The following SH3RF2 variants were observed in gnomAD, a reference collection of about 807,000 sequenced individuals.
The protein encoded by SH3RF2 is SH3 domain containing ring finger 2, also known as E3 ubiquitin-protein ligase SH3RF2.
Under a neutral mutation model 59.0 loss-of-function variants are expected in SH3RF2, and 43 were observed. That is an observed-to-expected ratio of 0.73 (90% CI 0.57 to 0.94). The LOEUF is 0.94. SH3RF2 is among the 40% of genes least tolerant of loss of function. The pLI is 0.00. For missense variants in SH3RF2, 930 were observed against 940.1 expected, an observed-to-expected ratio of 0.99 and a Z score of 0.14; for synonymous variants, 391 against 391.5, an observed-to-expected ratio of 1.00 and a Z score of 0.01.
chr5:145,974,462 GGAAAA>G (rs1457787415), intron 2 of SH3RF2, among the ~76,000 whole-genome samples: 2 of 152,114 alleles, frequency 1.3e-5, no homozygotes, highest in African/African-American at 2.4e-5. Context: ...AGGAAAGGAA[GGAAAA>G]GAAGAGAGCA....
At chr5:145,941,565 G>A (rs1757815728) in intron 2 of SH3RF2, among the ~76,000 whole-genome samples, 1 of 152,172 alleles carries the variant, frequency 6.6e-6, no homozygotes, top group African/African-American at 2.4e-5. Flanking sequence ...CAAAAGGATT[G>A]TAGGTTCCTG....
exon 10 of SH3RF2, chr5:146,080,441 G>A (rs1394292701): frequency 1.3e-5 from 2 of 152,120 alleles, no homozygotes; most frequent in Non-Finnish European, 2.9e-5. Context: ...TGTGAATAAT[G>A]TTTATAAAAG....
intron 5 of SH3RF2, among the ~76,000 whole-genome samples, chr5:146,035,354 T>TC (rs1264988290): frequency 1.5e-5 from 1 of 68,056 alleles, no homozygotes; most frequent in African/African-American, 4.2e-5. Context: ...TTTAATTAAC[T>TC]TTTTTTTTAA....
Position 146,062,584 on chromosome 5 carries a change from C to A in SH3RF2, c.2073C>A (p.His691Gln), listed in dbSNP as rs1464910816. The A allele has an allele frequency of 6.2e-7, 1 of 1,614,206 alleles. No homozygotes were observed. Among genetic ancestry groups the A allele is most frequent in the Admixed American group, 1.7e-5 (1 of 60,028 alleles). The change falls in exon 10 of 10, where the codon CAC becomes CAA. Residue 691 changes from histidine (H) to glutamine (Q), a missense_variant. Transcript: ENST00000359120. ...CAGAGATGACCGTCCTATTTGCCCA[C>A]CGAAGTGGCTGCCACTCCGGACAGC... Reference protein sequence around the residue: ...LGPEMTVLFAHRSGCHSGQQT... With the variant: ...LGPEMTVLFAQRSGCHSGQQT...
chr5:146,002,199 C>T (rs1431321761), intron 3 of SH3RF2, among the ~76,000 whole-genome samples: 1 of 152,150 alleles, frequency 6.6e-6, no homozygotes, highest in African/African-American at 2.4e-5. Flanking sequence ...GCCTGCAATC[C>T]CAGCACTTTG....
chr5:146,000,016 C>T, intron 2 of SH3RF2, 42 bp from the exon 3 acceptor site: 1 of 1,593,876 alleles, frequency 6.3e-7, no homozygotes, highest in Non-Finnish European at 8.5e-7. Context: ...TTCCTCTAGA[C>T]TCTAAGCTAA....
chr5:146,030,916 C>T (rs1309384218), intron 5 of SH3RF2, among the ~76,000 whole-genome samples: 1 of 152,180 alleles, frequency 6.6e-6, no homozygotes, highest in African/African-American at 2.4e-5. Context: ...TAGAAGGAAA[C>T]AGTTAGGCAG....
At chr5:145,960,125 C>T (rs1299141580) in intron 2 of SH3RF2, among the ~76,000 whole-genome samples, 3 of 152,114 alleles carry the variant, frequency 2.0e-5, no homozygotes, top group Non-Finnish European at 4.4e-5. Context: ...TGATCATTGC[C>T]CGCTGCAGCC....
chr5:145,984,887 TG>T (rs1368711914), intron 2 of SH3RF2, among the ~76,000 whole-genome samples: 3 of 152,230 alleles, frequency 2.0e-5, no homozygotes, highest in African/African-American at 7.2e-5. Flanking sequence ...CTGGGCATGG[TG>T]GCTCATGCCT....
rs370706003 is a variant in SH3RF2 at position 146,060,063 on chromosome 5, A to G, written c.1753A>G (p.Ile585Val). 1.2e-6 allele frequency: 2 copies of G among 1,613,906 alleles called. No homozygotes were observed. Among genetic ancestry groups the G allele is most frequent in the South Asian group, 2.2e-5 (2 of 91,030 alleles). ...CACGGGGGAGCCCGCCCTCACGTGC[A>G]TCAGCAGGGGCAGTGAGGCCTGGAT... ...ALTGEPALTC[I>V]SRGSEAWIHS... is the part of the protein sequence containing the mutation. Residue 585 changes from isoleucine to valine, a missense_variant, in exon 9 of 10, where the codon ATC (isoleucine) becomes GTC (valine). By Grantham distance (29) the Ile-to-Val change is conservative. Coordinates refer to ENST00000359120, the MANE Select transcript of SH3RF2 (RefSeq NM_152550.4).
In SH3RF2 at chr5:146,000,195, G is replaced by A. The variant is rs1580838665; in HGVS notation, c.516G>A (p.Gly172=). ...AGGGGGAAATCAATGGCATCAGCGG[G>A]AACTTCCCAGCCAGCTCCGTGGAAG... ...WYQGEINGIS[G]NFPASSVEVI... Residue 172 remains glycine (G), a synonymous_variant, in exon 3 of 10, where the codon GGG becomes GGA. Coordinates refer to ENST00000359120, the MANE Select transcript of SH3RF2 (RefSeq NM_152550.4). 1 of 1,613,548 alleles carries A rather than the reference G, an allele frequency of 6.2e-7. No homozygotes were observed. Among genetic ancestry groups the A allele is most frequent in the Non-Finnish European group, 8.5e-7 (1 of 1,179,788 alleles).
intron 2 of SH3RF2, among the ~76,000 whole-genome samples, chr5:145,965,173 A>G (rs567415853): frequency 3.0e-4 from 45 of 152,192 alleles, no homozygotes; most frequent in African/African-American, 9.4e-4. Flanking sequence ...AGCCTGGGTG[A>G]CAGAGCAAGA....
At chr5:146,026,748 G>A (rs531339590) in intron 5 of SH3RF2, among the ~76,000 whole-genome samples, 3 of 152,118 alleles carry the variant, frequency 2.0e-5, no homozygotes, top group Middle Eastern at 3.2e-3. Flanking sequence ...GATCTAGGAC[G>A]GAACTCACAC....
intron 2 of SH3RF2, among the ~76,000 whole-genome samples, chr5:145,976,623 G>A (rs1427634309): frequency 3.3e-5 from 5 of 152,166 alleles, no homozygotes; most frequent in East Asian, 1.9e-4. Flanking sequence ...CAAGAAAAAC[G>A]GAAGGTATTA....
chr5:146,034,975 G>A (rs554744846), intron 5 of SH3RF2, among the ~76,000 whole-genome samples: 1 of 152,196 alleles, frequency 6.6e-6, no homozygotes, highest in African/African-American at 2.4e-5. Context: ...GCGTGGTAGT[G>A]CACCCCTGTA....
intron 5 of SH3RF2, among the ~76,000 whole-genome samples, chr5:146,034,707 G>A (rs976302163): frequency 3.9e-5 from 6 of 152,166 alleles, no homozygotes; most frequent in Non-Finnish European, 8.8e-5. Flanking sequence ...AGTCAGACAC[G>A]CCAACAAGAA....
intron 2 of SH3RF2, among the ~76,000 whole-genome samples, chr5:145,981,545 A>T (rs1203849238): frequency 1.3e-5 from 2 of 152,198 alleles, no homozygotes; most frequent in African/African-American, 4.8e-5. Context: ...CAGTTTATTT[A>T]TTAGAGAGAT....
At chr5:146,081,140 C>T (rs1268538515) in exon 10 of SH3RF2, 1 of 152,094 alleles carries the variant, frequency 6.6e-6, no homozygotes, top group Non-Finnish European at 1.5e-5. Context: ...AATATGTCTT[C>T]ACTGTTGGGT....
chr5:145,982,720 T>C (rs1024297613), intron 2 of SH3RF2, among the ~76,000 whole-genome samples: 2 of 152,014 alleles, frequency 1.3e-5, no homozygotes, highest in Admixed American at 6.5e-5. Context: ...GGCAGATAAA[T>C]AAGCAAGCCA....
Sources: allele counts gnomAD v4.1 joint callset (sites outside exome capture counted in the v4.1 genomes callset), GRCh38; gene constraint gnomAD v4.1.1; transcripts MANE v1.5; gene names NCBI Gene and HGNC (gene_info 2026-07-23, HGNC 2026-07-21).